Variants in ACACA observed in about 807,000 individuals in gnomAD.
ACACA encodes the protein acetyl-CoA carboxylase alpha.
ACACA carries 103 observed loss-of-function variants against 296.1 expected under a neutral mutation model. The ratio of observed to expected loss-of-function variants is 0.35; its 90% CI spans 0.30 to 0.41. The LOEUF (loss-of-function observed/expected upper bound fraction) is 0.41, where lower values mean the gene tolerates loss of function less well. Among genes scored for constraint, ACACA ranks in the 10% least tolerant of loss-of-function variants. The probability of loss-of-function intolerance (pLI) is 1.00; values close to 1 mark genes in which losing one functional copy is unlikely to be tolerated. For missense variants in ACACA, 1,554 were observed against 2,989.7 expected (o/e 0.52, Z 11.20); for synonymous variants, 953 against 1,038.6 (o/e 0.92, Z 1.58).
At chr17:37,206,969 T>C in intron 31 of ACACA, 90 bp from the exon 32 acceptor site, 1 of 1,154,328 alleles carries the variant, frequency 8.7e-7, no homozygotes. Flanking sequence ...AAGAATAATC[T>C]ATCTTAGCCT....
At chr17:37,302,303 G>A (rs1382745248) in intron 3 of ACACA, among the ~76,000 whole-genome samples, 5 of 151,456 alleles carry the variant, frequency 3.3e-5, no homozygotes, top group African/African-American at 1.2e-4. Flanking sequence ...TCCACCTCCC[G>A]GGTTCAAGCG....
At chr17:37,260,333 T>C (rs1296642051) in intron 11 of ACACA, among the ~76,000 whole-genome samples, 5 of 128,572 alleles carry the variant, frequency 3.9e-5, no homozygotes, top group Admixed American at 1.7e-4. Context: ...GGAGTCTCGC[T>C]TTGTCACCCA....
chr17:37,092,403 A>G (rs865824829), intron 54 of ACACA, among the ~76,000 whole-genome samples: 6 of 152,144 alleles, frequency 3.9e-5, no homozygotes, highest in African/African-American at 1.4e-4. Context: ...CAGCATATCC[A>G]TCTGTATCAG....
At chr17:37,223,367 T>C (rs1282076922) in intron 28 of ACACA, 145 bp downstream of exon 28, 2 of 720,818 alleles carry the variant, frequency 2.8e-6, no homozygotes, top group African/African-American at 1.8e-5. Flanking sequence ...AGTAAGCACA[T>C]ACTGTTTCAG....
In ACACA at chr17:37,305,129, C is replaced by T. The variant is rs558815387; in HGVS notation, c.339-20159G>A. On this transcript the variant is annotated intron_variant, in intron 3 of 55. Coordinates refer to ENST00000616317, the MANE Select transcript of ACACA (RefSeq NM_198834.3). Reference sequence around the variant, plus strand: ...TTTTCCTGTATCTTTACATGTCTCACGGCTTTTTAATTAAAAATTGAATAT... The same window carrying T: ...TTTTCCTGTATCTTTACATGTCTCATGGCTTTTTAATTAAAAATTGAATAT... Among the ~76,000 whole-genome samples, 14 of 152,118 alleles carry T rather than the reference C, an allele frequency of 9.2e-5. No homozygotes were observed. In the South Asian group the frequency reaches 2.3e-3, roughly 25 times the overall value.
At chr17:37,197,046 T>C (rs530858750) in intron 35 of ACACA, among the ~76,000 whole-genome samples, 1 of 152,318 alleles carries the variant, frequency 6.6e-6, no homozygotes, top group South Asian at 2.1e-4. Context: ...ACTCCCAGCC[T>C]CCTTAACACT....
chr17:37,153,800 A>G (rs1394523058), intron 43 of ACACA, among the ~76,000 whole-genome samples: 1 of 152,196 alleles, frequency 6.6e-6, no homozygotes, highest in Non-Finnish European at 1.5e-5. Flanking sequence ...CCATGAACCA[A>G]GAAAGTTTGG....
At chr17:37,237,543 G>A (rs937385399) in intron 24 of ACACA, among the ~76,000 whole-genome samples, 2 of 152,032 alleles carry the variant, frequency 1.3e-5, no homozygotes, top group African/African-American at 4.8e-5. Flanking sequence ...TTGTGGTTTT[G>A]GTTTATATGC....
chr17:37,273,009 T>C (rs978895744), intron 9 of ACACA, among the ~76,000 whole-genome samples: 20 of 152,188 alleles, frequency 1.3e-4, no homozygotes, highest in Admixed American at 5.2e-4. Context: ...AAAAGAATGT[T>C]AGTCGATAAG....
In ACACA at chr17:37,258,275, T is replaced by A. The variant is rs1430199581; in HGVS notation, c.1599A>T (p.Ala533=). ...GDSPIDFEDS[A]HVPCPRGHVI... is the part of the protein sequence containing the mutation. ...CATGGCCCCTTGGACAAGGAACGTG[T>A]GCAGAATCTTCAAAATCAATGGGAG... Residue 533 remains alanine, a synonymous_variant, in exon 13 of 56, where the codon GCA becomes GCT. Coordinates refer to ENST00000616317, the MANE Select transcript of ACACA (RefSeq NM_198834.3). The A allele has an allele frequency of 6.2e-7, 1 of 1,614,158 alleles. No individual in the cohort carries two copies. The highest frequency in any genetic ancestry group is 8.5e-7 in the Non-Finnish European group (1 of 1,180,008).
At chr17:37,184,103 C>T (rs745827827) in intron 39 of ACACA, among the ~76,000 whole-genome samples, 3 of 152,028 alleles carry the variant, frequency 2.0e-5, no homozygotes, top group Admixed American at 1.3e-4. Context: ...TTGCCCACCT[C>T]GGCCTCCCAA....
intron 43 of ACACA, among the ~76,000 whole-genome samples, chr17:37,153,518 T>C (rs1396018107): frequency 6.6e-6 from 1 of 152,230 alleles, no homozygotes; most frequent in African/African-American, 2.4e-5. Flanking sequence ...TTGAAGTTTC[T>C]GTGAAAACTC....
intron 2 of ACACA, among the ~76,000 whole-genome samples, chr17:37,338,188 A>G (rs2048216929): frequency 6.7e-6 from 1 of 150,224 alleles, no homozygotes; most frequent in Non-Finnish European, 1.5e-5. Context: ...CAAGATCACC[A>G]CTGCACTCCA....
intron 35 of ACACA, among the ~76,000 whole-genome samples, chr17:37,196,739 A>C (rs917723369): frequency 5.9e-5 from 9 of 152,220 alleles, no homozygotes; most frequent in Admixed American, 2.0e-4. Flanking sequence ...ATAAGTTTTA[A>C]CTAACAGAAA....
intron 39 of ACACA, among the ~76,000 whole-genome samples, chr17:37,184,526 T>C (rs937388187): frequency 6.6e-6 from 1 of 152,186 alleles, no homozygotes; most frequent in Non-Finnish European, 1.5e-5. Flanking sequence ...TATAAACATT[T>C]TGATAAATGA....
chr17:37,338,102 T>C (rs1178260426), intron 2 of ACACA, among the ~76,000 whole-genome samples: 1 of 131,678 alleles, frequency 7.6e-6, no homozygotes, highest in East Asian at 2.1e-4. Context: ...GTCTCAAAAA[T>C]AAAATAAAAT....
chr17:37,205,802 C>T lies in ACACA; in HGVS notation c.4019G>A (p.Arg1340Lys). 3.7e-6 allele frequency: 6 copies of T among 1,613,730 alleles called. No homozygotes were observed. The highest frequency in any genetic ancestry group is 5.1e-6 in the Non-Finnish European group (6 of 1,179,914). The change falls in exon 33 of 56, where the codon AGG (arginine) becomes AAG (lysine). Residue 1340 changes from arginine (R) to lysine (K), a missense_variant. By Grantham distance (26) the Arg-to-Lys change is conservative (BLOSUM62 2). Coordinates refer to ENST00000616317, the MANE Select transcript of ACACA (RefSeq NM_198834.3). ...AAATTCTCTGAACATAGCTGCCAGC[C>T]TGTCATCCTCAATATCACAGTCAGT... Reference protein sequence around the residue: ...IKTDCDIEDDRLAAMFREFTQ... With the variant: ...IKTDCDIEDDKLAAMFREFTQ...
Position 37,317,755 on chromosome 17 carries a change from C to A in ACACA, c.338+12418G>T, listed in dbSNP as rs377248309. Reference sequence around the variant, plus strand: ...AACACTGTCAAGCAGCTGTACCGAGCCTTACTTACAACATTCATAATTTCA... The same window carrying A: ...AACACTGTCAAGCAGCTGTACCGAGACTTACTTACAACATTCATAATTTCA... On this transcript the variant is annotated intron_variant, in intron 3 of 55. Coordinates refer to ENST00000616317, the MANE Select transcript of ACACA (RefSeq NM_198834.3). Among the ~76,000 whole-genome samples the A allele has an allele frequency of 7.2e-5, 11 of 152,190 alleles. No homozygotes were observed. In the East Asian group the frequency reaches 9.6e-4, roughly 13 times the overall value.
At chr17:37,299,149 T>TAA (rs1010022388) in intron 3 of ACACA, 1 of 952,376 alleles carries the variant, frequency 1.1e-6, no homozygotes, top group Non-Finnish European at 1.6e-6. Context: ...TTCATTTTCT[T>TAA]AAAAAAAATA....
Sources: allele counts gnomAD v4.1 joint callset (sites outside exome capture counted in the v4.1 genomes callset), GRCh38; gene constraint gnomAD v4.1.1; transcripts MANE v1.5; gene names NCBI Gene and HGNC (gene_info 2026-07-23, HGNC 2026-07-21).